The following LRP2 variants were observed in gnomAD, a reference collection of about 807,000 sequenced individuals.
LRP2 encodes LDL receptor related protein 2, also known as low-density lipoprotein receptor-related protein 2.
A neutral mutation model predicts 531.0 loss-of-function variants in LRP2; 172 were observed. That is an observed-to-expected ratio of 0.32 (90% CI 0.29 to 0.37). LRP2 has a LOEUF of 0.37. LRP2 is among the 10% of genes least tolerant of loss of function. LRP2 has a pLI of 1.00. For synonymous variants in LRP2, 1,992 were observed against 2,027.6 expected, an observed-to-expected ratio of 0.98 and a Z score of 0.47; for missense variants, 5,167 against 5,868.3, an observed-to-expected ratio of 0.88 and a Z score of 3.90.
In LRP2 at chr2:169,280,511, C is replaced by G. The variant is rs775560647; in HGVS notation, c.1180G>C (p.Ala394Pro). The change falls in exon 11 of 79, where the codon GCC (alanine) becomes CCC (proline). Residue 394 changes from alanine to proline, a missense_variant. Transcript: ENST00000649046. ...CGACCATTGGAGAAGATAATGGAGG[C>G]CTCGCCAACTAAATGCGAAGAAGGA... ...YCKANDSFGE[A>P]SIIFSNGRDL... The G allele has an allele frequency of 2.3e-5, 37 of 1,613,940 alleles. No individual in the cohort carries two copies. The highest frequency in any genetic ancestry group is 2.7e-5 in the Non-Finnish European group (32 of 1,180,020).
rs1690616274 is a variant in LRP2 at position 169,262,720 on chromosome 2, T to A, written c.2321-3503A>T. Among the ~76,000 whole-genome samples, 3 of 149,788 alleles carry A rather than the reference T, an allele frequency of 2.0e-5. No individual in the cohort carries two copies. In the South Asian group the frequency reaches 6.5e-4, roughly 33 times the overall value. Reference sequence around the variant, plus strand: ...CATCCCCATCAAGCTACCAATGACTTTCTTCACAGAATTGGAAAAAACTAC... The same window carrying A: ...CATCCCCATCAAGCTACCAATGACTATCTTCACAGAATTGGAAAAAACTAC... On this transcript the variant is annotated intron_variant, in intron 16 of 78. Coordinates refer to ENST00000649046, the MANE Select transcript of LRP2 (RefSeq NM_004525.3).
In LRP2 at chr2:169,198,740, A is replaced by G. The variant is rs1415399263; in HGVS notation, c.8578+46T>C. On this transcript the variant is annotated intron_variant, in intron 45 of 78. Coordinates refer to ENST00000649046, the MANE Select transcript of LRP2 (RefSeq NM_004525.3). ...TCATATCTTTGTATTAGCTCACAAC[A>G]TGCATCTCTGGAACGATAGAAAGAA... The G allele has an allele frequency of 6.2e-6, 10 of 1,607,112 alleles. 2 individuals carry two copies. The South Asian group carries it at 8.8e-5, about 14-fold the overall frequency.
intron 28 of LRP2, among the ~76,000 whole-genome samples, 196 bp downstream of exon 28, chr2:169,236,907 C>G (rs932127123): frequency 2.0e-4 from 31 of 152,100 alleles, no homozygotes; most frequent in Admixed American, 1.4e-3. Flanking sequence ...ATCAATTGCT[C>G]TTATGTACTT....
intron 76 of LRP2, among the ~76,000 whole-genome samples, chr2:169,132,902 A>C (rs900640061): frequency 1.3e-5 from 2 of 152,116 alleles, no homozygotes; most frequent in Non-Finnish European, 2.9e-5. Context: ...TCATACCTTA[A>C]TCCTGGGAGG....
chr2:169,301,324 C>T (rs1042047122), intron 4 of LRP2, among the ~76,000 whole-genome samples: 1 of 151,754 alleles, frequency 6.6e-6, no homozygotes, highest in East Asian at 1.9e-4. Flanking sequence ...TTATCTTAGA[C>T]CCTGCATGAG....
At position 169,275,115 on chromosome 2, in the gene LRP2, C is replaced by G. The variant is rs1269857975; in HGVS notation, c.1896G>C (p.Glu632Asp). The part of the protein sequence containing the change: ...MAVLKANKFT[E>D]TNPQVYYQAS... The stretch of plus-strand genomic sequence containing the variant: ...CCTGGTAGTACACTTGTGGGTTGGT[C>G]TCTGTGAACTTGTTTGCCTTCAGCA... The change falls in exon 14 of 79, where the codon GAG becomes GAC. Residue 632 changes from glutamate (E) to aspartate (D), a missense_variant. Transcript: ENST00000649046. 6.2e-7 allele frequency: 1 copy of G among 1,613,744 alleles called. No individual in the cohort carries two copies.
intron 3 of LRP2, among the ~76,000 whole-genome samples, chr2:169,312,067 C>T (rs1296638576): frequency 6.6e-6 from 1 of 152,090 alleles, no homozygotes; most frequent in African/African-American, 2.4e-5. Flanking sequence ...AGATCTTCCT[C>T]CATCCCTTTA....
In LRP2 at chr2:169,241,358, C is replaced by A. The variant is rs1689797469; in HGVS notation, c.3675G>T (p.Arg1225Ser). Residue 1225 changes from arginine (R) to serine (S), a missense_variant, in exon 25 of 79, where the codon AGG (arginine) becomes AGT (serine). By Grantham distance (110) the Arg-to-Ser change is moderately radical (BLOSUM62 -1). Transcript: ENST00000649046. ...CATCTGAGTGGCACATACCAGGAGGCCTGGTTGCTAGAAGGAAAACATGGG... is the reference window on the plus strand; with the variant it reads ...CATCTGAGTGGCACATACCAGGAGGACTGGTTGCTAGAAGGAAAACATGGG... ...DNSDEAGCPT[R>S]PPGMCHSDEF... 6.2e-7 allele frequency: 1 copy of A among 1,613,956 alleles called. No individual in the cohort carries two copies. The highest frequency in any genetic ancestry group is 1.3e-5 in the African/African-American group (1 of 74,896).
chr2:169,172,900 C>T (rs1247162383), intron 57 of LRP2, among the ~76,000 whole-genome samples, 196 bp downstream of exon 57: 4 of 152,154 alleles, frequency 2.6e-5, no homozygotes, highest in African/African-American at 9.7e-5. Context: ...TAAAGTGCTA[C>T]AAATTAAATA....
At chr2:169,157,270 A>G in intron 64 of LRP2, 101 bp downstream of exon 64, 1 of 1,234,230 alleles carries the variant, frequency 8.1e-7, no homozygotes, top group Non-Finnish European at 1.2e-6. Context: ...GTATGGTACC[A>G]TTAAGGGAAT....
chr2:169,348,817 G>A (rs988653859), intron 1 of LRP2, among the ~76,000 whole-genome samples: 1 of 152,152 alleles, frequency 6.6e-6, no homozygotes, highest in Admixed American at 6.5e-5. Context: ...GGGAGGCACT[G>A]GGGTGGAGAA....
chr2:169,328,469 A>T (rs1276312659), intron 1 of LRP2, among the ~76,000 whole-genome samples: 5 of 149,488 alleles, frequency 3.3e-5, no homozygotes, highest in East Asian at 3.9e-4. Flanking sequence ...AAAAAAGAAA[A>T]AAAAAGAAAT....
intron 63 of LRP2, among the ~76,000 whole-genome samples, chr2:169,160,386 C>A (rs1225933855): frequency 2.8e-4 from 42 of 151,648 alleles, no homozygotes; most frequent in Non-Finnish European, 2.9e-5. Flanking sequence ...ATGTTGTATA[C>A]CTTCAATTTT....
intron 59 of LRP2, 146 bp downstream of exon 59, chr2:169,170,405 A>T: frequency 1.3e-6 from 1 of 745,962 alleles, no homozygotes; most frequent in Non-Finnish European, 2.4e-6. Flanking sequence ...GAAAATACAG[A>T]GCAGAAGATA....
chr2:169,163,296 A>G (rs372198742), intron 62 of LRP2, among the ~76,000 whole-genome samples: 1 of 152,198 alleles, frequency 6.6e-6, no homozygotes, highest in Non-Finnish European at 1.5e-5. Context: ...TTGGCAAGAT[A>G]GTATAAGAAA....
chr2:169,346,261 G>C (rs1172092059), intron 1 of LRP2, among the ~76,000 whole-genome samples: 1 of 152,174 alleles, frequency 6.6e-6, no homozygotes, highest in Non-Finnish European at 1.5e-5. Flanking sequence ...TTTACAGCAA[G>C]AAGCATCTAA....
At chr2:169,283,621 A>G (rs1424607650) in intron 9 of LRP2, among the ~76,000 whole-genome samples, 1 of 152,208 alleles carries the variant, frequency 6.6e-6, no homozygotes, top group African/African-American at 2.4e-5. Context: ...AAGTACTTGG[A>G]AAGGTCTATT....
chr2:169,168,691 A>G lies in LRP2; in HGVS notation c.11498-15T>C, dbSNP rs534214309. ...AAAGCGTGTGGCTGCCATGGGGGAAAAAAACATATTCAAATTATTATACAA... is the reference window on the plus strand; with the variant it reads ...AAAGCGTGTGGCTGCCATGGGGGAAGAAAACATATTCAAATTATTATACAA... On this transcript the variant is annotated splice_polypyrimidine_tract_variant and intron_variant, in intron 60 of 78. Coordinates refer to ENST00000649046, the MANE Select transcript of LRP2 (RefSeq NM_004525.3). 2.0e-5 allele frequency: 32 copies of G among 1,614,008 alleles called. No homozygotes were observed. In the African/African-American group the frequency reaches 2.0e-4, roughly 10 times the overall value.
intron 1 of LRP2, among the ~76,000 whole-genome samples, chr2:169,360,644 A>C (rs1486671335): frequency 6.6e-6 from 1 of 152,174 alleles, no homozygotes; most frequent in African/African-American, 2.4e-5. Flanking sequence ...GACATGAGAT[A>C]CAACCCTAAG....
Sources: gnomAD v4.1 joint callset for allele counts (sites outside exome capture counted in the v4.1 genomes callset) on GRCh38, gnomAD v4.1.1 for gene constraint, MANE v1.5 for transcripts, NCBI Gene and HGNC (gene_info 2026-07-23, HGNC 2026-07-21) for gene names.